The following GREM2 variants were observed in gnomAD, a reference collection of about 807,000 sequenced individuals.
GREM2 encodes the protein gremlin 2, DAN family BMP antagonist.
GREM2 carries 11 observed loss-of-function variants against 14.2 expected under a neutral mutation model. The ratio of observed to expected loss-of-function variants is 0.78; its 90% CI spans 0.49 to 1.28. The LOEUF (loss-of-function observed/expected upper bound fraction) is 1.28. Ranked by LOEUF, GREM2 falls within the 50% of genes most tolerant of loss-of-function variation. The pLI is 0.00. For missense variants in GREM2, 210 were observed against 218.5 expected (o/e 0.96, Z 0.24); for synonymous variants, 98 against 97.6 (o/e 1.00, Z -0.02).
At chr1:240,521,287 G>A (rs959297723) in intron 1 of GREM2, among the ~76,000 whole-genome samples, 21 of 152,180 alleles carry the variant, frequency 1.4e-4, no homozygotes, top group Non-Finnish European at 2.6e-4. Flanking sequence ...GAAACGGGAG[G>A]GGTGGGCGCG....
chr1:240,599,553 T>C (rs959299102), intron 1 of GREM2, among the ~76,000 whole-genome samples: 1 of 152,176 alleles, frequency 6.6e-6, no homozygotes, highest in Non-Finnish European at 1.5e-5. Context: ...CATTTGTTGG[T>C]TGAAAGTCTA....
At chr1:240,593,390 C>CCTGA (rs1558176813) in intron 1 of GREM2, among the ~76,000 whole-genome samples, 1 of 151,700 alleles carries the variant, frequency 6.6e-6, no homozygotes, top group Non-Finnish European at 1.5e-5. Flanking sequence ...TCAGATTCCA[C>CCTGA]ACACTGAGTC....
intron 1 of GREM2, among the ~76,000 whole-genome samples, chr1:240,532,640 TATAGATAGATAGATAGATAGATAGATAG>T (rs199526145): frequency 8.6e-5 from 9 of 104,172 alleles, no homozygotes; most frequent in African/African-American, 2.6e-4. Context: ...AAGAGATATA[TATAGATAGATAGATAGATAGATAGATAG>T]ATAGATAGAT....
At chr1:240,548,821 A>T (rs555551109) in intron 1 of GREM2, among the ~76,000 whole-genome samples, 5 of 152,326 alleles carry the variant, frequency 3.3e-5, no homozygotes, top group African/African-American at 4.8e-5. Flanking sequence ...AGGAAAACGA[A>T]CAACCTTGGT....
chr1:240,592,845 T>G (rs1679737773), intron 1 of GREM2, among the ~76,000 whole-genome samples: 1 of 152,002 alleles, frequency 6.6e-6, no homozygotes, highest in Non-Finnish European at 1.5e-5. Flanking sequence ...AAAGTCTAGG[T>G]AATCTTGGCC....
At chr1:240,551,661 T>C (rs1258321719) in intron 1 of GREM2, among the ~76,000 whole-genome samples, 1 of 152,054 alleles carries the variant, frequency 6.6e-6, no homozygotes, top group Non-Finnish European at 1.5e-5. Context: ...AGTTTACCTA[T>C]TTTCTAAATG....
In GREM2 at chr1:240,542,970, CTTCT is replaced by C. The variant is rs927573589; in HGVS notation, c.-1-49498_-1-49495del. Among the ~76,000 whole-genome samples the C allele has an allele frequency of 2.0e-5, 3 of 152,182 alleles. No individual in the cohort carries two copies. Among genetic ancestry groups the C allele is most frequent in the Non-Finnish European group, 4.4e-5 (3 of 68,026 alleles). Reference sequence around the variant, plus strand: ...GTAAGATCCCACCAAAAAATATCACCTTCTTTGTGAAGCCTCTTACTTTCCTTCC... The same window carrying C: ...GTAAGATCCCACCAAAAAATATCACCTTGTGAAGCCTCTTACTTTCCTTCC... On this transcript the variant is annotated intron_variant, in intron 1 of 1. Coordinates refer to ENST00000318160, the MANE Select transcript of GREM2 (RefSeq NM_022469.4). The surrounding 1 kb of genome is among the most constrained non-coding windows in gnomAD (Gnocchi z 4.1).
chr1:240,520,928 A>C (rs959308676), intron 1 of GREM2, among the ~76,000 whole-genome samples: 38 of 151,022 alleles, frequency 2.5e-4, no homozygotes, highest in African/African-American at 9.0e-4. Flanking sequence ...AAAAAAAAAA[A>C]GCATTTTAGT....
At chr1:240,562,612 C>A (rs1028765604) in intron 1 of GREM2, among the ~76,000 whole-genome samples, 1 of 152,070 alleles carries the variant, frequency 6.6e-6, no homozygotes, top group Non-Finnish European at 1.5e-5. Flanking sequence ...TGGAGAATGT[C>A]CTGGGATTTC....
intron 1 of GREM2, among the ~76,000 whole-genome samples, chr1:240,610,068 C>A (rs1680103647): frequency 6.6e-6 from 1 of 152,042 alleles, no homozygotes. Context: ...TGAATATAAT[C>A]CGTCTCACAC....
chr1:240,508,857 G>T (rs536963967), intron 1 of GREM2, among the ~76,000 whole-genome samples: 1 of 152,228 alleles, frequency 6.6e-6, no homozygotes, highest in South Asian at 2.1e-4. Flanking sequence ...TGGAACCTGA[G>T]AATTGATATT....
In GREM2 at chr1:240,524,557, A is replaced by G. The variant is rs1208049372; in HGVS notation, c.-1-31081T>C. On this transcript the variant is annotated intron_variant, in intron 1 of 1. Coordinates refer to ENST00000318160, the MANE Select transcript of GREM2 (RefSeq NM_022469.4). ...AACTGACAAGTAATCTGTATAGTAT[A>G]AGGTTGGGTTAATTGCTCACAGTAC... Among the ~76,000 whole-genome samples the G allele has an allele frequency of 2.0e-5, 3 of 152,246 alleles. No homozygotes were observed. In the East Asian group the frequency reaches 5.8e-4, roughly 29 times the overall value.
chr1:240,579,160 T>C (rs1679433008), intron 1 of GREM2, among the ~76,000 whole-genome samples: 1 of 152,220 alleles, frequency 6.6e-6, no homozygotes, highest in Non-Finnish European at 1.5e-5. Context: ...ATACCCGTTC[T>C]CCCTGTCGCC....
chr1:240,531,536 T>C, intron 1 of GREM2: 1 of 602,636 alleles, frequency 1.7e-6, no homozygotes, highest in East Asian at 1.4e-4. Context: ...CTTCTTCTTT[T>C]CATTGGAAAA....
chr1:240,604,408 T>C, intron 1 of GREM2, among the ~76,000 whole-genome samples: 1 of 152,078 alleles, frequency 6.6e-6, no homozygotes, highest in Non-Finnish European at 1.5e-5. Flanking sequence ...TAAAAGCAGG[T>C]ATGATCACTT....
intron 1 of GREM2, among the ~76,000 whole-genome samples, chr1:240,605,116 A>T (rs1006677749): frequency 1.2e-4 from 19 of 152,178 alleles, no homozygotes; most frequent in Admixed American, 6.6e-5. Flanking sequence ...CAGCCAATGG[A>T]AACCAGACAC....
At chr1:240,600,356 A>G (rs1180210559) in intron 1 of GREM2, among the ~76,000 whole-genome samples, 1 of 152,332 alleles carries the variant, frequency 6.6e-6, no homozygotes, top group South Asian at 2.1e-4. Flanking sequence ...CCAGACCTTT[A>G]CAGGAGCACT....
intron 1 of GREM2, among the ~76,000 whole-genome samples, chr1:240,553,132 A>T (rs1572395839): frequency 6.6e-6 from 1 of 152,212 alleles, no homozygotes; most frequent in South Asian, 2.1e-4. Context: ...TTTGAAAGAA[A>T]ACCCAGAATT....
chr1:240,567,440 G>C (rs1679191005), intron 1 of GREM2, among the ~76,000 whole-genome samples: 1 of 151,576 alleles, frequency 6.6e-6, no homozygotes, highest in Admixed American at 6.6e-5. Flanking sequence ...AAAGTAGCAA[G>C]ATTAAAAAAA....
Sources: gnomAD v4.1 joint callset for allele counts (sites outside exome capture counted in the v4.1 genomes callset) on GRCh38, gnomAD v4.1.1 for gene constraint, Gnocchi (gnomAD v3.1) non-coding constraint, MANE v1.5 for transcripts, NCBI Gene and HGNC (gene_info 2026-07-23, HGNC 2026-07-21) for gene names.